The following MYCBP2 variants were observed in gnomAD, a reference collection of about 807,000 sequenced individuals.
MYCBP2 encodes E3 ubiquitin-protein ligase MYCBP2.
A neutral mutation model predicts 525.3 loss-of-function variants in MYCBP2; 120 were observed. The ratio of observed to expected loss-of-function variants is 0.23; its 90% CI spans 0.20 to 0.27. The LOEUF (loss-of-function observed/expected upper bound fraction) is 0.27, where lower values mean the gene tolerates loss of function less well. MYCBP2 is among the 10% of genes least tolerant of loss of function. The pLI, the probability that MYCBP2 is intolerant of heterozygous loss-of-function variation, is 1.00. For missense variants in MYCBP2, 4,149 were observed against 5,657.1 expected (o/e 0.73, Z 8.55); for synonymous variants, 1,894 against 1,955.8 (o/e 0.97, Z 0.83).
At chr13:77,082,346 T>C (rs2043446702) in intron 63 of MYCBP2, among the ~76,000 whole-genome samples, 1 of 152,210 alleles carries the variant, frequency 6.6e-6, no homozygotes, top group African/African-American at 2.4e-5. Context: ...TACAATGCCA[T>C]ACTAATTCAT....
intron 47 of MYCBP2, among the ~76,000 whole-genome samples, chr13:77,146,546 C>T (rs1013519193): frequency 1.3e-5 from 2 of 151,868 alleles, no homozygotes; most frequent in African/African-American, 2.4e-5. Context: ...ATTTGTAACT[C>T]GTATAACCCA....
In MYCBP2 at chr13:77,327,035, T is replaced by TGCCGCCGCC. The variant is rs2082406106; in HGVS notation, c.-269_-261dup. ...TGTGAGGAGGAGGCGGTGCCGCCACTGCCGCCGCCACCACCGCTACCACCG... is the reference window on the plus strand; with the variant it reads ...TGTGAGGAGGAGGCGGTGCCGCCACTGCCGCCGCCGCCGCCGCCACCACCGCTACCACCG... On this transcript the variant is annotated 5_prime_UTR_variant, in exon 1 of 83. Transcript: ENST00000544440. 2 of 431,728 alleles carry TGCCGCCGCC rather than the reference T, an allele frequency of 4.6e-6. No homozygotes were observed. Among genetic ancestry groups the TGCCGCCGCC allele is most frequent in the South Asian group, 7.4e-5 (1 of 13,484 alleles). The allele number at this position is 431,728 out of a possible 1,614,324, so 26.7% of individuals were successfully genotyped here.
chr13:77,301,253 A>G (rs1485283367), intron 1 of MYCBP2, among the ~76,000 whole-genome samples: 1 of 151,786 alleles, frequency 6.6e-6, no homozygotes, highest in Non-Finnish European at 1.5e-5. Context: ...CGTCTCTACT[A>G]AAAATGCAAA....
At chr13:77,124,384 T>C (rs1372381046) in intron 54 of MYCBP2, among the ~76,000 whole-genome samples, 2 of 152,212 alleles carry the variant, frequency 1.3e-5, no homozygotes, top group Non-Finnish European at 2.9e-5. Flanking sequence ...GAATAATAAG[T>C]ATTATAAATT....
intron 82 of MYCBP2, among the ~76,000 whole-genome samples, chr13:77,050,226 G>A (rs113842102): frequency 3.9e-5 from 6 of 152,218 alleles, no homozygotes; most frequent in South Asian, 2.1e-4. Context: ...GCTGTTTTCC[G>A]GAGAGGTCTA....
chr13:77,083,184 A>G lies in MYCBP2; in HGVS notation c.10884T>C (p.Asp3628=). 1 of 1,611,800 alleles carries G rather than the reference A, an allele frequency of 6.2e-7. No homozygotes were observed. The highest frequency in any genetic ancestry group is 8.5e-7 in the Non-Finnish European group (1 of 1,179,002). Residue 3628 remains aspartate (D), a synonymous_variant, in exon 63 of 83, where the codon GAT becomes GAC. Coordinates refer to ENST00000544440, the MANE Select transcript of MYCBP2 (RefSeq NM_015057.5). The part of the protein sequence containing the change: ...TSKENSEQEK[D]TRVCEHPLSD... ...AGAGTGGATGTTCACATACTCTTGTATCTTTCTCCTAAGGCAGAAATTGAA... is the reference window on the plus strand; with the variant it reads ...AGAGTGGATGTTCACATACTCTTGTGTCTTTCTCCTAAGGCAGAAATTGAA...
chr13:77,246,984 C>G (rs964194338), intron 15 of MYCBP2, among the ~76,000 whole-genome samples: 2 of 152,080 alleles, frequency 1.3e-5, no homozygotes, highest in Non-Finnish European at 2.9e-5. Context: ...ATAAAAACCA[C>G]ATATGAAAAA....
intron 44 of MYCBP2, among the ~76,000 whole-genome samples, chr13:77,158,697 C>G (rs2057508348): frequency 1.3e-5 from 2 of 152,268 alleles, no homozygotes; most frequent in African/African-American, 4.8e-5. Flanking sequence ...ATCCTCCCAC[C>G]TTGCCCTATC....
chr13:77,161,898 G>T lies in MYCBP2; in HGVS notation c.6597+8C>A. 1.2e-6 allele frequency: 2 copies of T among 1,601,738 alleles called. No homozygotes were observed. Among genetic ancestry groups the T allele is most frequent in the South Asian group, 1.1e-5 (1 of 89,222 alleles). ...CAAAGTTTATCCTTAAAACATTTGGGACAATACCTGCAATGCAGCCTCCTC... is the reference window on the plus strand; with the variant it reads ...CAAAGTTTATCCTTAAAACATTTGGTACAATACCTGCAATGCAGCCTCCTC... On this transcript the variant is annotated splice_region_variant and intron_variant, in intron 44 of 82. Transcript: ENST00000544440.
chr13:77,277,275 A>C (rs1465726317), intron 4 of MYCBP2, among the ~76,000 whole-genome samples: 1 of 152,206 alleles, frequency 6.6e-6, no homozygotes, highest in Non-Finnish European at 1.5e-5. Context: ...TCAAATCTTC[A>C]GTAAAATGCT....
intron 1 of MYCBP2, among the ~76,000 whole-genome samples, chr13:77,310,047 G>C (rs935678558): frequency 6.6e-6 from 1 of 152,234 alleles, no homozygotes; most frequent in African/African-American, 2.4e-5. Flanking sequence ...AGGAGGCGGA[G>C]GTTGCAGTAA....
chr13:77,098,156 T>C lies in MYCBP2; in HGVS notation c.8998A>G (p.Lys3000Glu), dbSNP rs1428356228. 1.9e-6 allele frequency: 3 copies of C among 1,613,732 alleles called. No individual in the cohort carries two copies. Among genetic ancestry groups the C allele is most frequent in the Non-Finnish European group, 2.5e-6 (3 of 1,179,776 alleles). Residue 3000 changes from lysine (K) to glutamate (E), a missense_variant, in exon 56 of 83, where the codon AAA (lysine) becomes GAA (glutamate). Transcript: ENST00000544440. Reference sequence around the variant, plus strand: ...AAAAGAAAACTCGATTTTTCTTTTTTGGGCCTGGTGTGTCTATTAGCACAT... The same window carrying C: ...AAAAGAAAACTCGATTTTTCTTTTTCGGGCCTGGTGTGTCTATTAGCACAT... ...RKCANRHTRP[K>E]KEKSSFLFKG...
chr13:77,129,049 G>C (rs2052242893), intron 52 of MYCBP2: 1 of 391,158 alleles, frequency 2.6e-6, no homozygotes, highest in South Asian at 1.4e-4. Context: ...ATCTTTTTTT[G>C]GTTAAAAGGT....
chr13:77,168,312 G>A (rs2058753354), intron 40 of MYCBP2, 116 bp downstream of exon 40: 1 of 787,084 alleles, frequency 1.3e-6, no homozygotes, highest in Non-Finnish European at 2.0e-6. Context: ...TTCTCTATAT[G>A]TAAATACTAT....
intron 1 of MYCBP2, among the ~76,000 whole-genome samples, chr13:77,322,614 G>A (rs1044773451): frequency 2.6e-5 from 4 of 152,112 alleles, no homozygotes; most frequent in Admixed American, 2.0e-4. Flanking sequence ...TACCAGGTGC[G>A]GACATAATGT....
At chr13:77,309,217 G>A (rs1279551389) in intron 1 of MYCBP2, among the ~76,000 whole-genome samples, 2 of 152,180 alleles carry the variant, frequency 1.3e-5, no homozygotes, top group East Asian at 3.8e-4. Flanking sequence ...AAAAGGAGGT[G>A]AAGTGAGTGG....
At chr13:77,116,500 T>G (rs1246933243) in intron 55 of MYCBP2, among the ~76,000 whole-genome samples, 2 of 152,050 alleles carry the variant, frequency 1.3e-5, no homozygotes, top group African/African-American at 4.8e-5. Flanking sequence ...CCATACTTTT[T>G]TTTGTGATGC....
intron 1 of MYCBP2, among the ~76,000 whole-genome samples, chr13:77,300,290 CCA>C (rs2078638056): frequency 6.6e-6 from 1 of 152,120 alleles, no homozygotes; most frequent in Non-Finnish European, 1.5e-5. Context: ...CTGCAAAGGG[CCA>C]CACAGCAAAT....
intron 73 of MYCBP2, among the ~76,000 whole-genome samples, chr13:77,063,066 T>C (rs2039590914): frequency 1.3e-5 from 2 of 152,232 alleles, no homozygotes; most frequent in South Asian, 4.1e-4. Context: ...TTTAGTATCA[T>C]TAAATGCCAA....
Sources: gnomAD v4.1 joint callset for allele counts (sites outside exome capture counted in the v4.1 genomes callset) on GRCh38, gnomAD v4.1.1 for gene constraint, MANE v1.5 for transcripts, NCBI Gene and HGNC (gene_info 2026-07-23, HGNC 2026-07-21) for gene names.